Variants in LAMA3 observed in about 807,000 individuals in gnomAD.
The protein encoded by LAMA3 is laminin subunit alpha 3, also known as laminin subunit alpha-3.
A neutral mutation model predicts 402.0 loss-of-function variants in LAMA3; 281 were observed. The observed-to-expected ratio is 0.70, with a 90% confidence interval of 0.63 to 0.77. The LOEUF (loss-of-function observed/expected upper bound fraction) is 0.77. LAMA3 is among the 30% of genes least tolerant of loss of function. The pLI, the probability that LAMA3 is intolerant of heterozygous loss-of-function variation, is 0.00. For missense variants in LAMA3, 3,840 were observed against 4,215.5 expected (o/e 0.91, Z 2.47); for synonymous variants, 1,431 against 1,558.4 (o/e 0.92, Z 1.93).
At chr18:23,784,294 C>A in intron 12 of LAMA3, 137 bp downstream of exon 12, 1 of 1,008,644 alleles carries the variant, frequency 9.9e-7, no homozygotes, top group Non-Finnish European at 1.5e-6. Context: ...ATGGATGTTA[C>A]ATGTGATGGT....
At chr18:23,934,022 T>C in intron 67 of LAMA3, 87 bp downstream of exon 67, 1 of 1,307,486 alleles carries the variant, frequency 7.6e-7, no homozygotes, top group Admixed American at 1.7e-5. Flanking sequence ...GGGAAGGGGG[T>C]GAGAGCTCAC....
intron 9 of LAMA3, among the ~76,000 whole-genome samples, chr18:23,774,752 G>T (rs1471724924): frequency 6.6e-6 from 1 of 152,156 alleles, no homozygotes; most frequent in African/African-American, 2.4e-5. Context: ...ACATTTGTGG[G>T]TATTAAAGTC....
chr18:23,715,946 C>T (rs72889148), intron 2 of LAMA3, among the ~76,000 whole-genome samples: 1,678 of 152,276 alleles, frequency 0.011, 13 homozygotes, highest in Non-Finnish European at 0.016. Flanking sequence ...GGGCTTTCAA[C>T]CTCTTTAGTC....
Position 23,876,399 on chromosome 18 carries a change from A to T in LAMA3, c.5104A>T (p.Ile1702Leu), listed in dbSNP as rs2064714328. Residue 1702 changes from isoleucine (I) to leucine (L), a missense_variant, in exon 39 of 75, where the codon ATA (isoleucine) becomes TTA (leucine). Physicochemically the swap from Ile to Leu is conservative, Grantham distance 5 (BLOSUM62 2). Coordinates refer to ENST00000313654, the MANE Select transcript of LAMA3 (RefSeq NM_198129.4). ...HSNQCQDGSGICVNCQHNTAG... is the reference protein window; with the variant it reads ...HSNQCQDGSGLCVNCQHNTAG... ...AAATCAATGCCAGGATGGCTCAGGC[A>T]TATGTGTTGTGAGTAAATTGACACT... The T allele has an allele frequency of 6.2e-7, 1 of 1,605,940 alleles. No homozygotes were observed. Among genetic ancestry groups the T allele is most frequent in the Non-Finnish European group, 8.5e-7 (1 of 1,172,582 alleles).
Position 23,861,778 on chromosome 18 carries a change from G to A in LAMA3, c.4555G>A (p.Val1519Ile). 1 of 1,613,590 alleles carries A rather than the reference G, an allele frequency of 6.2e-7. No individual in the cohort carries two copies. The highest frequency in any genetic ancestry group is 8.5e-7 in the Non-Finnish European group (1 of 1,179,750). Residue 1519 changes from valine (V) to isoleucine (I), a missense_variant, in exon 35 of 75, where the codon GTC becomes ATC. By Grantham distance (29) the Val-to-Ile change is conservative. Coordinates refer to ENST00000313654, the MANE Select transcript of LAMA3 (RefSeq NM_198129.4). ...LPATIHSASW[V>I]APTSYLGDKV... ...CGCAACCATCCACAGCGCGTCCTGG[G>A]TCGCACCCACCTCCTACCTGGGGGA...
In LAMA3 at chr18:23,916,731, T is replaced by G. The variant is rs1599091250; in HGVS notation, c.7923+36T>G. 2.5e-6 allele frequency: 4 copies of G among 1,606,884 alleles called. No individual in the cohort carries two copies. In the East Asian group the frequency reaches 8.9e-5, roughly 36 times the overall value. On this transcript the variant is annotated intron_variant, in intron 60 of 74. Coordinates refer to ENST00000313654, the MANE Select transcript of LAMA3 (RefSeq NM_198129.4). ...ACAAGCATCCAGATACAACCAAATA[T>G]ATTCATTCTGTTTAGCAATTTGGAG...
At chr18:23,699,808 C>T (rs1242477637) in intron 1 of LAMA3, among the ~76,000 whole-genome samples, 2 of 152,116 alleles carry the variant, frequency 1.3e-5, no homozygotes, top group Non-Finnish European at 1.5e-5. Flanking sequence ...AAGGCTGGGA[C>T]GTGCTGGGCT....
rs770614208 is a variant in LAMA3 at position 23,867,908 on chromosome 18, C to G, written c.4758C>G (p.His1586Gln). The change falls in exon 37 of 75, where the codon CAC (histidine) becomes CAG (glutamine). Residue 1586 changes from histidine to glutamine, a missense_variant. This residue lies in a region of LAMA3 where 2,109 missense variants were observed against 2,376.0 expected (regional missense o/e 0.89). Coordinates refer to ENST00000313654, the MANE Select transcript of LAMA3 (RefSeq NM_198129.4). Reference protein sequence around the residue: ...RPDRLHHGRVHVVEGNFRHAS... With the variant: ...RPDRLHHGRVQVVEGNFRHAS... ...ACCGGCTGCATCATGGACGAGTGCA[C>G]GTGGTCGAGGTAAAGGAAGAGCAAC... is the stretch of plus-strand genomic sequence containing the variant. 1.2e-6 allele frequency: 2 copies of G among 1,613,592 alleles called. No individual in the cohort carries two copies. Among genetic ancestry groups the G allele is most frequent in the Non-Finnish European group, 1.7e-6 (2 of 1,179,634 alleles).
At chr18:23,707,974 G>C (rs1418132455) in intron 1 of LAMA3, among the ~76,000 whole-genome samples, 1 of 152,106 alleles carries the variant, frequency 6.6e-6, no homozygotes, top group Non-Finnish European at 1.5e-5. Context: ...TGTATCTTTG[G>C]TTAAGAAACC....
rs1026900984 is a variant in LAMA3 at position 23,839,653 on chromosome 18, G to C, written c.3192-132G>C. 4.5e-5 allele frequency: 40 copies of C among 887,648 alleles called. No individual in the cohort carries two copies. The highest frequency in any genetic ancestry group is 7.0e-5 in the Non-Finnish European group (38 of 545,134). 55.0% of individuals were successfully genotyped at this position (887,648 alleles called of 1,614,324 possible). On this transcript the variant is annotated intron_variant, in intron 26 of 74. Coordinates refer to ENST00000313654, the MANE Select transcript of LAMA3 (RefSeq NM_198129.4). This position sits in a 1 kb window ranked among gnomAD's most constrained non-coding sequence, Gnocchi z 4.5. ...ATTATATAAAGATCCCTAGAGTTCT[G>C]TGCTTCCCCCAGCACTGGATCCTTT...
intron 67 of LAMA3, 77 bp downstream of exon 67, chr18:23,934,012 G>C (rs1175258703): frequency 5.6e-6 from 8 of 1,439,260 alleles, no homozygotes; most frequent in Non-Finnish European, 7.8e-6. Flanking sequence ...GGAGATATTG[G>C]GGAAGGGGGT....
At chr18:23,724,772 G>T (rs1568116533) in intron 2 of LAMA3, among the ~76,000 whole-genome samples, 4 of 152,158 alleles carry the variant, frequency 2.6e-5, no homozygotes, top group Admixed American at 2.6e-4. Flanking sequence ...TGAATTTCAT[G>T]AATTCTTCAT....
intron 1 of LAMA3, among the ~76,000 whole-genome samples, chr18:23,704,110 G>A (rs1163399612): frequency 6.6e-6 from 1 of 152,234 alleles, no homozygotes; most frequent in Non-Finnish European, 1.5e-5. Context: ...GTAATTTGTA[G>A]TGGGGCTGTT....
intron 38 of LAMA3, 22 bp from the exon 39 acceptor site, chr18:23,876,272 A>T: frequency 6.7e-7 from 1 of 1,490,256 alleles, no homozygotes; most frequent in Non-Finnish European, 9.4e-7. Flanking sequence ...TGTATTGATT[A>T]AACACTTTGT....
In LAMA3 at chr18:23,940,943, T is replaced by TC. The variant is rs559847714; in HGVS notation, c.9026+1557_9026+1558insC. Among the ~76,000 whole-genome samples the TC allele has an allele frequency of 8.3e-4, 123 of 148,970 alleles. 4 individuals are homozygous for TC. In the South Asian group the frequency reaches 0.024, roughly 29 times the overall value. ...AATGACCTCCCTCTTTCTTTTCTTT[T>TC]TTTTTTTTTTTGAGACGGAATATCA... is the stretch of plus-strand genomic sequence containing the variant. On this transcript the variant is annotated intron_variant, in intron 68 of 74. Coordinates refer to ENST00000313654, the MANE Select transcript of LAMA3 (RefSeq NM_198129.4).
chr18:23,778,576 G>A (rs2062371095), intron 11 of LAMA3, among the ~76,000 whole-genome samples: 1 of 152,112 alleles, frequency 6.6e-6, no homozygotes, highest in Non-Finnish European at 1.5e-5. Flanking sequence ...ACCCATCACG[G>A]CATCCACAGG....
At chr18:23,924,132 G>A (rs1599111080) in intron 62 of LAMA3, among the ~76,000 whole-genome samples, 1 of 152,128 alleles carries the variant, frequency 6.6e-6, no homozygotes, top group East Asian at 1.9e-4. Flanking sequence ...ACAGGCGTGA[G>A]CCACTGTGCC....
At chr18:23,707,012 AGGT>A (rs1277910972) in intron 1 of LAMA3, among the ~76,000 whole-genome samples, 8 of 152,258 alleles carry the variant, frequency 5.3e-5, no homozygotes, top group Non-Finnish European at 8.8e-5. Flanking sequence ...CTGGAGGCAG[AGGT>A]TGCAGTGAGC....
At chr18:23,725,538 G>T (rs2061285451) in intron 2 of LAMA3, among the ~76,000 whole-genome samples, 1 of 152,144 alleles carries the variant, frequency 6.6e-6, no homozygotes, top group Non-Finnish European at 1.5e-5. Context: ...GAGGTGGGTG[G>T]GGAGTGAGCT....
Sources: allele counts gnomAD v4.1 joint callset (sites outside exome capture counted in the v4.1 genomes callset), GRCh38; gene constraint gnomAD v4.1.1; regional missense constraint gnomAD v4.1.1; non-coding constraint Gnocchi (gnomAD v3.1); transcripts MANE v1.5; gene names NCBI Gene and HGNC (gene_info 2026-07-23, HGNC 2026-07-21).